ADARB2: variants seen among roughly 807,000 people sequenced by gnomAD.
ADARB2 encodes the protein adenosine deaminase RNA specific B2 (inactive).
ADARB2 carries 25 observed loss-of-function variants against 62.2 expected under a neutral mutation model. The ratio of observed to expected loss-of-function variants is 0.40; its 90% confidence interval spans 0.29 to 0.56. The LOEUF (loss-of-function observed/expected upper bound fraction) is 0.56, where lower values mean the gene tolerates loss of function less well. Among genes scored for constraint, ADARB2 ranks in the 20% least tolerant of loss-of-function variants. ADARB2 has a pLI of 0.43. For synonymous variants in ADARB2, 572 were observed against 500.8 expected, an observed-to-expected ratio of 1.14 and a Z score of -1.90; for missense variants, 1,071 against 1,077.4, an observed-to-expected ratio of 0.99 and a Z score of 0.08.
rs1339145556 is a variant in ADARB2, at chr10:1,542,123, A to G, written c.101-162963T>C. Among the ~76,000 whole-genome samples the G allele has an allele frequency of 2.0e-4, 7 of 34,540 alleles. No homozygotes were observed. The East Asian group carries it at 3.0e-3, about 15-fold the overall frequency. The allele number at this position is 34,540 out of a possible 152,430, so 22.7% of individuals were successfully genotyped here. ...CCCAGACCCCACTCAGACGCAGTTC[A>G]GACCCTGGATCACAGCCGTCCAGAC... On this transcript the variant is annotated intron_variant, in intron 1 of 9. Transcript: ENST00000381312.
intron 2 of ADARB2, among the ~76,000 whole-genome samples, chr10:1,377,075 G>A (rs1411697539): frequency 3.1e-5 from 4 of 128,982 alleles, no homozygotes; most frequent in Non-Finnish European, 4.9e-5. Context: ...GTGTGTGTGC[G>A]CTCCTGGGGT....
chr10:1,613,721 G>C (rs1425880453), intron 1 of ADARB2, among the ~76,000 whole-genome samples: 1 of 152,186 alleles, frequency 6.6e-6, no homozygotes, highest in Non-Finnish European at 1.5e-5. Flanking sequence ...TTATTAGCTG[G>C]TTTCTGCTAC....
intron 1 of ADARB2, among the ~76,000 whole-genome samples, chr10:1,416,866 G>A (rs1832808622): frequency 6.6e-6 from 1 of 152,270 alleles, no homozygotes; most frequent in Non-Finnish European, 1.5e-5. Flanking sequence ...GTGGGAGAGA[G>A]AAGGTGTCGG....
chr10:1,400,701 C>T (rs111601126), intron 1 of ADARB2, among the ~76,000 whole-genome samples: 39 of 152,228 alleles, frequency 2.6e-4, no homozygotes, highest in African/African-American at 8.2e-4. Flanking sequence ...GGCTGGTGCC[C>T]GGGACGAGAT....
At chr10:1,609,988 A>C (rs2132020179) in intron 1 of ADARB2, among the ~76,000 whole-genome samples, 2 of 152,218 alleles carry the variant, frequency 1.3e-5, no homozygotes, top group Middle Eastern at 6.9e-3. Context: ...TCAGCTATTT[A>C]AGCAAAGGTG....
chr10:1,698,606 A>ATGGAAAAAGCAACTTCTAATGT (rs1834778540), intron 1 of ADARB2, among the ~76,000 whole-genome samples: 1 of 152,308 alleles, frequency 6.6e-6, no homozygotes, highest in Admixed American at 6.5e-5. Context: ...TAAAAACTTG[A>ATGGAAAAAGCAACTTCTAATGT]TGGAAAAAGC....
At chr10:1,326,697 C>G (rs1460692458) in intron 3 of ADARB2, among the ~76,000 whole-genome samples, 1 of 146,638 alleles carries the variant, frequency 6.8e-6, no homozygotes, top group Non-Finnish European at 1.5e-5. Context: ...ACAGTGCCTC[C>G]TCACAGCTCA....
chr10:1,665,995 C>T (rs572452144), intron 1 of ADARB2, among the ~76,000 whole-genome samples: 96 of 146,960 alleles, frequency 6.5e-4, no homozygotes, highest in Admixed American at 2.9e-3. Flanking sequence ...GAGTGGCCTG[C>T]AGGGAGCTGG....
intron 1 of ADARB2, among the ~76,000 whole-genome samples, chr10:1,536,016 A>G (rs1290907742): frequency 6.6e-6 from 1 of 152,162 alleles, no homozygotes; most frequent in Non-Finnish European, 1.5e-5. Context: ...TTTAGGATAG[A>G]AAGAGAACAC....
At position 1,201,594 on chromosome 10, in the gene ADARB2, GAGTGTCTGCCTGGATCT is replaced by G. The variant is rs1366209368; in HGVS notation, c.1683-1464_1683-1448del. Among the ~76,000 whole-genome samples, 211 of 151,630 alleles carry G rather than the reference GAGTGTCTGCCTGGATCT, an allele frequency of 1.4e-3. 1 individual carries two copies. The highest frequency in any genetic ancestry group is 5.0e-3 in the African/African-American group (206 of 41,268). On this transcript the variant is annotated intron_variant, in intron 7 of 9. Transcript: ENST00000381312. ...TGTCACCGAGGACCTTCATTCCACA[GAGTGTCTGCCTGGATCT>G]CGGATGGTCGTAAGCCACAGAGCAC...
chr10:1,714,054 G>A (rs990962317), intron 1 of ADARB2, among the ~76,000 whole-genome samples: 20 of 152,174 alleles, frequency 1.3e-4, no homozygotes, highest in African/African-American at 4.3e-4. Context: ...ATGGGAAAAC[G>A]TGTCTAGAAA....
chr10:1,481,260 C>G (rs1353361702), intron 1 of ADARB2, among the ~76,000 whole-genome samples: 2 of 152,138 alleles, frequency 1.3e-5, no homozygotes, highest in Non-Finnish European at 2.9e-5. Context: ...TGAATATTCA[C>G]ATGTAAAAAA....
At chr10:1,605,407 G>A (rs924800133) in intron 1 of ADARB2, among the ~76,000 whole-genome samples, 1 of 152,200 alleles carries the variant, frequency 6.6e-6, no homozygotes, top group East Asian at 1.9e-4. Flanking sequence ...GGAGACCACT[G>A]GTGCCCTTCT....
At chr10:1,478,167 A>C (rs1177570947) in intron 1 of ADARB2, among the ~76,000 whole-genome samples, 1 of 152,244 alleles carries the variant, frequency 6.6e-6, no homozygotes, top group Non-Finnish European at 1.5e-5. Context: ...GTCCTAGAAC[A>C]GTGTGCAGTG....
At chr10:1,214,766 T>A (rs1308147108) in intron 7 of ADARB2, among the ~76,000 whole-genome samples, 2 of 152,274 alleles carry the variant, frequency 1.3e-5, no homozygotes, top group Non-Finnish European at 2.9e-5. Flanking sequence ...CATGAATAGA[T>A]GAAAACATTG....
intron 3 of ADARB2, among the ~76,000 whole-genome samples, chr10:1,296,361 T>TC (rs1831523025): frequency 6.6e-6 from 1 of 152,170 alleles, no homozygotes; most frequent in Non-Finnish European, 1.5e-5. Context: ...AAGCTTTCAT[T>TC]CCCCACTGCT....
intron 6 of ADARB2, among the ~76,000 whole-genome samples, chr10:1,220,288 G>GTGGTGGTGA (rs548319325): frequency 2.2e-5 from 3 of 135,812 alleles, no homozygotes; most frequent in African/African-American, 8.2e-5. Context: ...AATGGTGATG[G>GTGGTGGTGA]TGGTGGTGAT....
intron 1 of ADARB2, among the ~76,000 whole-genome samples, chr10:1,460,595 A>T (rs1368370655): frequency 1.9e-5 from 2 of 105,570 alleles, no homozygotes; most frequent in South Asian, 2.9e-4. Context: ...TGCGTTACGA[A>T]CCTGCCTGTG....
At position 1,474,756 on chromosome 10, in the gene ADARB2, G is replaced by A. The variant is rs376508438; in HGVS notation, c.101-95596C>T. On this transcript the variant is annotated intron_variant, in intron 1 of 9. Coordinates refer to ENST00000381312, the MANE Select transcript of ADARB2 (RefSeq NM_018702.4). ...GCAGCGGGTGGGTCGACTGGGTGGGGCATCCAAGCCTTGGGGAGATGAGAT... is the reference window on the plus strand; with the variant it reads ...GCAGCGGGTGGGTCGACTGGGTGGGACATCCAAGCCTTGGGGAGATGAGAT... Among the ~76,000 whole-genome samples the A allele has an allele frequency of 1.7e-4, 26 of 152,258 alleles. 1 individual carries two copies. The South Asian group carries it at 5.4e-3, about 32-fold the overall frequency.
Sources: gnomAD v4.1 joint callset for allele counts (sites outside exome capture counted in the v4.1 genomes callset) on GRCh38, gnomAD v4.1.1 for gene constraint, MANE v1.5 for transcripts, NCBI Gene and HGNC (gene_info 2026-07-23, HGNC 2026-07-21) for gene names.